CSMD2: variants seen among roughly 807,000 people sequenced by gnomAD.
CSMD2 encodes the protein CUB and Sushi multiple domains 2.
In CSMD2, 130 loss-of-function variants were observed where a neutral mutation model predicts 398.5. The observed-to-expected ratio is 0.33, with a 90% CI of 0.28 to 0.38. CSMD2 has a LOEUF of 0.38. Among genes scored for constraint, CSMD2 ranks in the 10% least tolerant of loss-of-function variants. The pLI is 1.00. For synonymous variants in CSMD2, 1,828 were observed against 1,908.5 expected (o/e 0.96, Z 1.10); for missense variants, 3,829 against 4,764.9 (o/e 0.80, Z 5.78).
chr1:33,817,313 G>C (rs1657580616), intron 9 of CSMD2, among the ~76,000 whole-genome samples: 1 of 152,190 alleles, frequency 6.6e-6, no homozygotes, highest in East Asian at 1.9e-4. Flanking sequence ...ATATTAACCT[G>C]TGTTGAGAAT....
intron 1 of CSMD2, among the ~76,000 whole-genome samples, chr1:34,100,666 T>C (rs189841070): frequency 6.6e-6 from 1 of 152,212 alleles, no homozygotes; most frequent in Non-Finnish European, 1.5e-5. Context: ...GCATTTTAAA[T>C]GGATGCACAA....
intron 47 of CSMD2, among the ~76,000 whole-genome samples, chr1:33,581,354 T>TAAAAAAAAAA (rs35599517): frequency 1.2e-5 from 1 of 84,218 alleles, no homozygotes; most frequent in Admixed American, 1.5e-4. Flanking sequence ...CCATCTTTAC[T>TAAAAAAAAAA]AAAAAAAAAA....
intron 3 of CSMD2, among the ~76,000 whole-genome samples, chr1:34,011,932 A>T (rs937581076): frequency 6.6e-6 from 1 of 152,162 alleles, no homozygotes; most frequent in African/African-American, 2.4e-5. Flanking sequence ...GAGATGAGTT[A>T]AATGAAAAGG....
At chr1:33,592,152 C>A in intron 44 of CSMD2, 1 of 487,078 alleles carries the variant, frequency 2.1e-6, no homozygotes, top group African/African-American at 1.9e-5. Context: ...CCAGACTTCA[C>A]AAAGGTAGAG....
intron 15 of CSMD2, among the ~76,000 whole-genome samples, chr1:33,730,212 G>A (rs1646676182): frequency 6.6e-6 from 1 of 152,174 alleles, no homozygotes; most frequent in African/African-American, 2.4e-5. Flanking sequence ...GTAGAGATTA[G>A]TAGGTATGGT....
At position 33,636,298 on chromosome 1, in the gene CSMD2, A is replaced by T; in HGVS notation, c.4969+62T>A. On this transcript the variant is annotated intron_variant, in intron 30 of 70. Transcript: ENST00000373381. This position sits in a 1 kb window ranked among gnomAD's most constrained non-coding sequence, Gnocchi z 4.8. ...CCCCCTCCCTTCCCCAGCCCACAGCACCCTCTGCCCCTGGCATGCCCTCAG... is the reference window on the plus strand; with the variant it reads ...CCCCCTCCCTTCCCCAGCCCACAGCTCCCTCTGCCCCTGGCATGCCCTCAG... 1 of 1,476,696 alleles carries T rather than the reference A, an allele frequency of 6.8e-7. No individual in the cohort carries two copies. The highest frequency in any genetic ancestry group is 1.3e-5 in the South Asian group (1 of 76,872). 91.5% of individuals were successfully genotyped at this position (1,476,696 alleles called of 1,614,324 possible).
Position 33,766,174 on chromosome 1 carries a change from A to T in CSMD2, c.1846+6395T>A, listed in dbSNP as rs568864279. On this transcript the variant is annotated intron_variant, in intron 13 of 70. Transcript: ENST00000373381. ...TACAAACCCAAGTACCCAGTCCTGC[A>T]GTGTGGGCGCGCGTGTGTGTGTGGG... Among the ~76,000 whole-genome samples the T allele has an allele frequency of 3.3e-5, 5 of 152,318 alleles. No individual in the cohort carries two copies. The East Asian group carries it at 9.6e-4, about 29-fold the overall frequency.
At chr1:33,634,379 T>C (rs1277572985) in intron 31 of CSMD2, among the ~76,000 whole-genome samples, 1 of 152,238 alleles carries the variant, frequency 6.6e-6, no homozygotes, top group East Asian at 1.9e-4. Context: ...TTGCCCATCC[T>C]GTCTTGGGGA....
chr1:33,665,026 ATC>A (rs1644262855), intron 25 of CSMD2, among the ~76,000 whole-genome samples: 1 of 152,116 alleles, frequency 6.6e-6, no homozygotes, highest in African/African-American at 2.4e-5. Flanking sequence ...CCACAGTGGA[ATC>A]TCTCTGGCAG....
intron 2 of CSMD2, among the ~76,000 whole-genome samples, chr1:34,050,068 T>A (rs1652999786): frequency 6.6e-6 from 1 of 152,230 alleles, no homozygotes; most frequent in South Asian, 2.1e-4. Flanking sequence ...ATCTTGCATT[T>A]TAGCCTTCAG....
intron 1 of CSMD2, among the ~76,000 whole-genome samples, chr1:34,128,574 G>A (rs1371388453): frequency 1.3e-5 from 2 of 152,204 alleles, no homozygotes; most frequent in East Asian, 1.9e-4. Flanking sequence ...GTCTTGCTGA[G>A]CACAGAGCAC....
At chr1:33,679,721 TTGAC>T (rs1258755471) in intron 25 of CSMD2, among the ~76,000 whole-genome samples, 2 of 152,204 alleles carry the variant, frequency 1.3e-5, no homozygotes, top group Non-Finnish European at 2.9e-5. Context: ...TATTTTTTAC[TTGAC>T]TAAGAGAGAT....
chr1:33,830,049 C>T (rs945259370), intron 6 of CSMD2, among the ~76,000 whole-genome samples: 6 of 152,228 alleles, frequency 3.9e-5, no homozygotes. Context: ...AGGAGGCCTG[C>T]CTGCCTCTGT....
Position 33,624,494 on chromosome 1 carries a change from G to A in CSMD2, c.5625+25C>T, listed in dbSNP as rs200201603. 6 of 1,610,560 alleles carry A rather than the reference G, an allele frequency of 3.7e-6. No individual in the cohort carries two copies. In the East Asian group the frequency reaches 6.7e-5, roughly 18 times the overall value. On this transcript the variant is annotated intron_variant, in intron 35 of 70. Coordinates refer to ENST00000373381, the MANE Select transcript of CSMD2 (RefSeq NM_001281956.2). The surrounding 1 kb of genome is among the most constrained non-coding windows in gnomAD (Gnocchi z 4.7). ...CCTGGGAGCAGACGGCCACCTGCCC[G>A]ACCGAGGCGCCCCCTTGCCCCTACC...
At chr1:33,680,471 T>A (rs922457885) in intron 25 of CSMD2, among the ~76,000 whole-genome samples, 3 of 152,104 alleles carry the variant, frequency 2.0e-5, no homozygotes, top group Admixed American at 1.3e-4. Context: ...CTCTCTGGGA[T>A]CCTGTGTTTG....
chr1:33,953,662 G>A (rs1041555015), intron 3 of CSMD2, among the ~76,000 whole-genome samples: 1 of 152,146 alleles, frequency 6.6e-6, no homozygotes, highest in Non-Finnish European at 1.5e-5. Context: ...GAAGAAAGGA[G>A]CCACAGGCCC....
At chr1:34,014,349 C>A (rs773133038) in intron 3 of CSMD2, among the ~76,000 whole-genome samples, 1 of 152,354 alleles carries the variant, frequency 6.6e-6, no homozygotes, top group East Asian at 1.9e-4. Flanking sequence ...AAGCCAAGTT[C>A]TTCCCATAAT....
chr1:33,901,296 G>A (rs1036728961), intron 5 of CSMD2, among the ~76,000 whole-genome samples: 1 of 152,202 alleles, frequency 6.6e-6, no homozygotes, highest in Non-Finnish European at 1.5e-5. Flanking sequence ...CTTTGATGCT[G>A]GTGAGATGCG....
At chr1:33,657,258 G>A (rs1571114385) in intron 27 of CSMD2, among the ~76,000 whole-genome samples, 2 of 152,260 alleles carry the variant, frequency 1.3e-5, no homozygotes, top group East Asian at 3.9e-4. Flanking sequence ...TTGAGCCCAG[G>A]AGTTCCAGAC....
Sources: gnomAD v4.1 joint callset for allele counts (sites outside exome capture counted in the v4.1 genomes callset) on GRCh38, gnomAD v4.1.1 for gene constraint, Gnocchi (gnomAD v3.1) non-coding constraint, MANE v1.5 for transcripts, NCBI Gene and HGNC (gene_info 2026-07-23, HGNC 2026-07-21) for gene names.